Variants in FCAMR observed in about 807,000 individuals in gnomAD.
FCAMR encodes high affinity immunoglobulin alpha and immunoglobulin mu Fc receptor.
FCAMR carries 51 observed loss-of-function variants against 52.2 expected under a neutral mutation model. That is an observed-to-expected ratio of 0.98 (90% CI 0.78 to 1.23). The LOEUF (loss-of-function observed/expected upper bound fraction) is 1.23, where lower values mean the gene tolerates loss of function less well. FCAMR is among the 50% of genes most tolerant of loss of function. The pLI is 0.00. For missense variants in FCAMR, 719 were observed against 712.6 expected (o/e 1.01, Z -0.10); for synonymous variants, 282 against 262.0 (o/e 1.08, Z -0.74).
In FCAMR at chr1:206,965,825, T is replaced by G. The variant is rs1410053277; in HGVS notation, c.203A>C (p.His68Pro). The G allele has an allele frequency of 4.4e-6, 7 of 1,603,712 alleles. No individual in the cohort carries two copies. The Admixed American group carries it at 6.8e-5, about 16-fold the overall frequency. ...AGAGCCCTCCCACAGCCATCTCGGA[T>G]GGGGTCTTTTTTGTGGAAGGGCGAA... is the stretch of plus-strand genomic sequence containing the variant. ...SSFALPQKRP[H>P]PRWLWEGSLP... The change falls in exon 4 of 8, where the codon CAT becomes CCT. Residue 68 changes from histidine to proline, a missense_variant. Coordinates refer to ENST00000324852, the MANE Select transcript of FCAMR (RefSeq NM_001170631.2).
intron 4 of FCAMR, among the ~76,000 whole-genome samples, chr1:206,964,300 C>T (rs555849958): frequency 6.6e-5 from 10 of 152,172 alleles, no homozygotes; most frequent in African/African-American, 9.6e-5. Context: ...CAACATCTTG[C>T]GGTAGGATGT....
chr1:206,963,008 A>G (rs1680570950), intron 4 of FCAMR, among the ~76,000 whole-genome samples: 1 of 151,482 alleles, frequency 6.6e-6, no homozygotes, highest in Admixed American at 6.5e-5. Context: ...AAAAATATTC[A>G]CAATTATAAA....
chr1:206,960,581 G>A lies in FCAMR; in HGVS notation c.1295C>T (p.Ala432Val), dbSNP rs113592002. 1 of 1,551,208 alleles carries A rather than the reference G, an allele frequency of 6.4e-7. No homozygotes were observed. Among genetic ancestry groups the A allele is most frequent in the East Asian group, 2.4e-5 (1 of 40,878 alleles). The change falls in exon 6 of 8, where the codon GCT (alanine) becomes GTT (valine). Residue 432 changes from alanine (A) to valine (V), a missense_variant. Transcript: ENST00000324852. ...CTCCATGCTGGTCCACACATCTGCA[G>A]CTGGAGTTCCCAAGATCCACACATC... is the stretch of plus-strand genomic sequence containing the variant. ...AADVWILGTP[A>V]ADVWTSMEAA...
chr1:206,959,863 T>A (rs1264331520), intron 6 of FCAMR, 66 bp from the exon 7 acceptor site: 1 of 1,257,210 alleles, frequency 8.0e-7, no homozygotes, highest in Non-Finnish European at 1.2e-6. Context: ...TTAAAGACCA[T>A]TTACCCACAT....
Position 206,962,534 on chromosome 1 carries a change from C to G in FCAMR, c.331G>C (p.Gly111Arg), listed in dbSNP as rs763708941. The change falls in exon 5 of 8, where the codon GGC (glycine) becomes CGC (arginine). Residue 111 changes from glycine (G) to arginine (R), a missense_variant. Coordinates refer to ENST00000324852, the MANE Select transcript of FCAMR (RefSeq NM_001170631.2). ...SSFAAPNSLK[G>R]SRLVSGEPGG... ...GGCTCCCCTGACACCAGCCTTGAGC[C>G]CTTCAATGAATTTGGAGCTGCAGAC... is the stretch of plus-strand genomic sequence containing the variant. The G allele has an allele frequency of 6.4e-7, 1 of 1,565,424 alleles. No individual in the cohort carries two copies. Among genetic ancestry groups the G allele is most frequent in the South Asian group, 1.2e-5 (1 of 84,786 alleles).
chr1:206,967,691 TTC>T, intron 1 of FCAMR, 40 bp from the exon 2 acceptor site: 1 of 1,598,264 alleles, frequency 6.3e-7, no homozygotes, highest in Middle Eastern at 1.7e-4. Context: ...AAGGGAAGAT[TTC>T]TGTTTCACTG....
At chr1:206,959,884 C>T (rs1337828492) in intron 6 of FCAMR, 87 bp from the exon 7 acceptor site, 8 of 1,124,664 alleles carry the variant, frequency 7.1e-6, no homozygotes, top group Non-Finnish European at 9.4e-6. Flanking sequence ...CCTTACTTTA[C>T]AGATTGGGGA....
rs1208149963 is a variant in FCAMR, at chr1:206,967,051, C to T, written c.169+1G>A. On this transcript the variant is annotated splice_donor_variant, in intron 3 of 7. Transcript: ENST00000324852. LOFTEE classifies it high-confidence loss of function. ...GAACCTGGGCTGGGTTTGGGACTCA[C>T]CTTGTAGCAGGCACAGTATGAGGAA... 6 of 1,613,844 alleles carry T rather than the reference C, an allele frequency of 3.7e-6. No individual in the cohort carries two copies. The highest frequency in any genetic ancestry group is 2.2e-5 in the East Asian group (1 of 44,878).
chr1:206,964,907 G>A (rs1303955009), intron 4 of FCAMR, among the ~76,000 whole-genome samples: 2 of 152,178 alleles, frequency 1.3e-5, no homozygotes, highest in Non-Finnish European at 2.9e-5. Flanking sequence ...ATTAAGCCAA[G>A]TACCTTCTGA....
At position 206,960,495 on chromosome 1, in the gene FCAMR, G is replaced by T; in HGVS notation, c.1381C>A (p.Pro461Thr). The T allele has an allele frequency of 1.9e-6, 3 of 1,550,324 alleles. No individual in the cohort carries two copies. The highest frequency in any genetic ancestry group is 2.6e-6 in the Non-Finnish European group (3 of 1,146,398). ...GGGGTCTGGCTCAGTGTTGCTTGGG[G>T]ACCTCTGTCTCCAGTGGCAGCATCT... ...DLDAATGDRG[P>T]QATLSQTPAV... Residue 461 changes from proline (P) to threonine (T), a missense_variant, in exon 6 of 8, where the codon CCC becomes ACC. Transcript: ENST00000324852.
At chr1:206,969,694 G>T (rs1680860124) in intron 1 of FCAMR, among the ~76,000 whole-genome samples, 1 of 152,208 alleles carries the variant, frequency 6.6e-6, no homozygotes, top group African/African-American at 2.4e-5. Flanking sequence ...AGTCAGTGTA[G>T]TATAGAGGAG....
chr1:206,959,598 G>C (rs374466867), intron 7 of FCAMR, 81 bp downstream of exon 7: 1 of 1,094,850 alleles, frequency 9.1e-7, no homozygotes, highest in Non-Finnish European at 1.4e-6. Context: ...AGTCCTGGCA[G>C]GACTCTACCC....
chr1:206,964,293 C>G (rs1680621250), intron 4 of FCAMR, among the ~76,000 whole-genome samples: 1 of 152,286 alleles, frequency 6.6e-6, no homozygotes, highest in Admixed American at 6.5e-5. Flanking sequence ...TGTGGTTCAA[C>G]ATCTTGCGGT....
chr1:206,966,912 G>T, intron 3 of FCAMR, 140 bp downstream of exon 3: 1 of 723,798 alleles, frequency 1.4e-6, no homozygotes, highest in Non-Finnish European at 2.4e-6. Flanking sequence ...CTACAGCATG[G>T]AGATGGAGCC....
rs763218779 is a variant in FCAMR, at chr1:206,962,468, A to G, written c.397T>C (p.Ser133Pro). The change falls in exon 5 of 8, where the codon TCT becomes CCT. Residue 133 changes from serine to proline, a missense_variant. Physicochemically the swap from Ser to Pro is moderately conservative, Grantham distance 74. Transcript: ENST00000324852. ...TACTTCCTCTGGTGCCTGTTGACAG[A>G]TGAGGGGGCATAATGGCACTGGATG... ...VTIQCHYAPS[S>P]VNRHQRKYWC... 2.5e-6 allele frequency: 4 copies of G among 1,613,338 alleles called. No homozygotes were observed. The highest frequency in any genetic ancestry group is 3.4e-6 in the Non-Finnish European group (4 of 1,179,346).
intron 4 of FCAMR, among the ~76,000 whole-genome samples, chr1:206,963,038 AC>A (rs67694189): frequency 0.059 from 8,950 of 152,320 alleles, 863 homozygotes; most frequent in African/African-American, 0.2. Context: ...TTTCAGGACA[AC>A]AGTGATGATT....
At chr1:206,968,611 T>A (rs1228571115) in intron 1 of FCAMR, among the ~76,000 whole-genome samples, 4 of 152,056 alleles carry the variant, frequency 2.6e-5, no homozygotes, top group Admixed American at 6.5e-5. Context: ...CCCCAAACAG[T>A]TTAAGCCATG....
chr1:206,962,632 C>A, intron 4 of FCAMR, 81 bp from the exon 5 acceptor site: 3 of 1,225,612 alleles, frequency 2.4e-6, no homozygotes, highest in South Asian at 1.7e-5. Flanking sequence ...CTGAACTCTG[C>A]CAGAATTAGG....
chr1:206,960,005 C>T (rs1190024877), intron 6 of FCAMR: 2 of 569,290 alleles, frequency 3.5e-6, no homozygotes, highest in African/African-American at 1.9e-5. Context: ...TTTCCCTCTT[C>T]CACCCATCTG....
Sources: allele counts gnomAD v4.1 joint callset (sites outside exome capture counted in the v4.1 genomes callset), GRCh38; gene constraint gnomAD v4.1.1; transcripts MANE v1.5; gene names NCBI Gene and HGNC (gene_info 2026-07-23, HGNC 2026-07-21).